Variants in LNX1 observed in about 807,000 individuals in gnomAD.
The protein encoded by LNX1 is E3 ubiquitin-protein ligase LNX.
A neutral mutation model predicts 68.4 loss-of-function variants in LNX1; 54 were observed. The ratio of observed to expected loss-of-function variants is 0.79; its 90% CI spans 0.63 to 0.99. LNX1 has a LOEUF of 0.99. Ranked by LOEUF, LNX1 falls within the 50% of genes least tolerant of loss-of-function variation. The probability of loss-of-function intolerance (pLI) is 0.00; values close to 1 mark genes in which losing one functional copy is unlikely to be tolerated. For synonymous variants in LNX1, 336 were observed against 350.0 expected, an observed-to-expected ratio of 0.96 and a Z score of 0.45; for missense variants, 906 against 926.4, an observed-to-expected ratio of 0.98 and a Z score of 0.29.
chr4:53,461,708 T>C (rs1195297590), intron 9 of LNX1, 115 bp from the exon 10 acceptor site: 22 of 706,914 alleles, frequency 3.1e-5, no homozygotes, highest in Non-Finnish European at 5.0e-5. Flanking sequence ...TAAGTACCAC[T>C]GCATAGGTCC....
chr4:53,599,999 A>T (rs1732925328), intron 2 of LNX1, among the ~76,000 whole-genome samples: 1 of 152,122 alleles, frequency 6.6e-6, no homozygotes, highest in African/African-American at 2.4e-5. Flanking sequence ...GATGAATTTA[A>T]AATTCCTTTA....
chr4:53,461,134 C>CATCT, intron 10 of LNX1, 92 bp from the exon 11 acceptor site: 1 of 1,066,390 alleles, frequency 9.4e-7, no homozygotes, highest in Non-Finnish European at 1.3e-6. Context: ...GATTTTGCTA[C>CATCT]ATCTGACCAT....
intron 2 of LNX1, among the ~76,000 whole-genome samples, chr4:53,605,298 T>C (rs1351371381): frequency 6.6e-6 from 1 of 152,242 alleles, no homozygotes; most frequent in African/African-American, 2.4e-5. Flanking sequence ...TAGTGTGTTA[T>C]CGTCTTTAAA....
chr4:53,624,035 C>T (rs1376616631), intron 1 of LNX1, among the ~76,000 whole-genome samples: 1 of 152,146 alleles, frequency 6.6e-6, no homozygotes, highest in Non-Finnish European at 1.5e-5. Context: ...CTCTTAACTC[C>T]ATCCTTTTGC....
chr4:53,618,086 C>T (rs1230929016), upstream of LNX1, among the ~76,000 whole-genome samples: 1 of 152,042 alleles, frequency 6.6e-6, no homozygotes, highest in Non-Finnish European at 1.5e-5. Flanking sequence ...TAAAAGTGAA[C>T]AACTTAGCTT....
At chr4:53,551,723 C>T (rs1446693594) in intron 2 of LNX1, among the ~76,000 whole-genome samples, 4 of 152,134 alleles carry the variant, frequency 2.6e-5, no homozygotes, top group Admixed American at 1.3e-4. Flanking sequence ...TCAAGTCACC[C>T]GCTTGGCCCT....
chr4:53,650,717 C>T (rs902499441), intron 1 of LNX1, among the ~76,000 whole-genome samples: 13 of 152,106 alleles, frequency 8.5e-5, no homozygotes, highest in African/African-American at 2.9e-4. Context: ...CCGTGTCCCC[C>T]CAAGAACCTC....
chr4:53,489,992 T>C (rs1724572404), intron 6 of LNX1, among the ~76,000 whole-genome samples: 1 of 152,200 alleles, frequency 6.6e-6, no homozygotes. Flanking sequence ...TTCTACCCTT[T>C]TTTGCAGGTA....
At chr4:53,517,890 C>T (rs1409048006) in intron 2 of LNX1, among the ~76,000 whole-genome samples, 3 of 91,730 alleles carry the variant, frequency 3.3e-5, no homozygotes, top group Admixed American at 1.1e-4. Flanking sequence ...AGTGTAGATC[C>T]GAGTATGAAC....
chr4:53,638,575 C>G (rs1734564771), intron 1 of LNX1, among the ~76,000 whole-genome samples: 1 of 152,178 alleles, frequency 6.6e-6, no homozygotes, highest in South Asian at 2.1e-4. Flanking sequence ...TCTTTGCAGA[C>G]TACTTAGTGC....
chr4:53,572,890 C>G (rs1192783375), intron 2 of LNX1, among the ~76,000 whole-genome samples: 4 of 152,274 alleles, frequency 2.6e-5, no homozygotes, highest in Admixed American at 2.6e-4. Flanking sequence ...TAAATTTCTC[C>G]TTTTAAAACT....
At chr4:53,507,610 A>AT in intron 3 of LNX1, 141 bp from the exon 4 acceptor site, 1 of 986,456 alleles carries the variant, frequency 1.0e-6, no homozygotes, top group Non-Finnish European at 1.5e-6. Context: ...GCTTACCTGT[A>AT]TTTTTTAAGT....
chr4:53,629,886 T>G (rs1192030965), intron 1 of LNX1, among the ~76,000 whole-genome samples: 1 of 152,192 alleles, frequency 6.6e-6, no homozygotes, highest in Non-Finnish European at 1.5e-5. Flanking sequence ...TGCTTTATCC[T>G]CTATATGTAT....
chr4:53,468,571 T>G (rs887387051), intron 9 of LNX1, among the ~76,000 whole-genome samples: 7 of 152,148 alleles, frequency 4.6e-5, no homozygotes, highest in African/African-American at 1.7e-4. Flanking sequence ...TCAAGACCCA[T>G]CAGTGTGCTG....
intron 9 of LNX1, among the ~76,000 whole-genome samples, chr4:53,474,866 A>G (rs1336404423): frequency 6.6e-6 from 1 of 152,172 alleles, no homozygotes; most frequent in Non-Finnish European, 1.5e-5. Context: ...TCCTGGGTTC[A>G]AGCAATTCTC....
chr4:53,592,415 T>C (rs1226966106), upstream of LNX1, among the ~76,000 whole-genome samples: 1 of 152,100 alleles, frequency 6.6e-6, no homozygotes, highest in African/African-American at 2.4e-5. Flanking sequence ...CTGGGAGGTA[T>C]CCCAGGACTG....
At chr4:53,574,413 C>A (rs1731360612) in intron 1 of LNX1, among the ~76,000 whole-genome samples, 3 of 151,670 alleles carry the variant, frequency 2.0e-5, no homozygotes, top group Non-Finnish European at 2.9e-5. Context: ...ATTAAATAGA[C>A]CAGTGATTTG....
rs537547379 is a variant in LNX1, at chr4:53,540,885, C to T, written c.381-32658G>A. Reference sequence around the variant, plus strand: ...GGAATGGTGGCTGACGCCTGTAATCCCAGCACTTTGGGAGGCTGAGACGGG... The same window carrying T: ...GGAATGGTGGCTGACGCCTGTAATCTCAGCACTTTGGGAGGCTGAGACGGG... On this transcript the variant is annotated intron_variant, in intron 2 of 10. Transcript: ENST00000263925. 2.6e-5 allele frequency among the ~76,000 whole-genome samples: 4 copies of T among 151,962 alleles called. No homozygotes were observed. In the South Asian group the frequency reaches 8.3e-4, roughly 32 times the overall value.
chr4:53,566,159 T>C (rs1269982232), intron 2 of LNX1, among the ~76,000 whole-genome samples: 2 of 152,008 alleles, frequency 1.3e-5, no homozygotes, highest in African/African-American at 2.4e-5. Flanking sequence ...GGCACAAAGA[T>C]ACTCCTGGAG....
Sources: allele counts gnomAD v4.1 joint callset (sites outside exome capture counted in the v4.1 genomes callset), GRCh38; gene constraint gnomAD v4.1.1; transcripts MANE v1.5; gene names NCBI Gene and HGNC (gene_info 2026-07-23, HGNC 2026-07-21).